Variants in DAB1 observed in about 807,000 individuals in gnomAD.
DAB1 encodes the protein disabled homolog 1.
DAB1 carries 15 observed loss-of-function variants against 64.6 expected under a neutral mutation model. That is an observed-to-expected ratio of 0.23 (90% CI 0.16 to 0.36). The LOEUF (loss-of-function observed/expected upper bound fraction) is 0.36, where lower values mean the gene tolerates loss of function less well. Ranked by LOEUF, DAB1 falls within the 10% of genes least tolerant of loss-of-function variation. The probability of loss-of-function intolerance (pLI) is 1.00; values close to 1 mark genes in which losing one functional copy is unlikely to be tolerated. For synonymous variants in DAB1, 235 were observed against 251.9 expected, an observed-to-expected ratio of 0.93 and a Z score of 0.64; for missense variants, 596 against 706.7, an observed-to-expected ratio of 0.84 and a Z score of 1.78.
intron 2 of DAB1, among the ~76,000 whole-genome samples, chr1:57,284,912 C>T (rs1305692343): frequency 6.6e-6 from 1 of 152,168 alleles, no homozygotes; most frequent in Non-Finnish European, 1.5e-5. Flanking sequence ...ACAGAAGGTT[C>T]ACACTCGGTT....
chr1:58,495,969 G>C (rs1211623895), intron 3 of DAB1, among the ~76,000 whole-genome samples: 1 of 152,104 alleles, frequency 6.6e-6, no homozygotes, highest in Admixed American at 6.6e-5. Flanking sequence ...AAATATCTAA[G>C]CTTGTCATTT....
rs370036470 is a variant in DAB1 at position 57,498,748 on chromosome 1, T to C, written n.625+150844A>G. Reference sequence around the variant, plus strand: ...GCAGTTAGGAGAGACAAAGGGAAAATGTTATAGCTGGTGGGAGATGTGAGG... The same window carrying C: ...GCAGTTAGGAGAGACAAAGGGAAAACGTTATAGCTGGTGGGAGATGTGAGG... On this transcript the variant is annotated intron_variant and non_coding_transcript_variant, in intron 7 of 20. Transcript: ENST00000485760. 1.5e-4 allele frequency among the ~76,000 whole-genome samples: 23 copies of C among 152,152 alleles called. No individual in the cohort carries two copies. The South Asian group carries it at 4.8e-3, about 32-fold the overall frequency.
chr1:58,387,722 CTTTTTT>C (rs35563837), intron 3 of DAB1, among the ~76,000 whole-genome samples: 1 of 65,524 alleles, frequency 1.5e-5, no homozygotes, highest in Non-Finnish European at 3.3e-5. Flanking sequence ...CTTTTCTTTT[CTTTTTT>C]TTTTTTTTTT....
chr1:58,061,728 T>C (rs1570297959), intron 5 of DAB1, among the ~76,000 whole-genome samples: 2 of 152,166 alleles, frequency 1.3e-5, no homozygotes, highest in East Asian at 3.9e-4. Context: ...TGTTCTCTTC[T>C]CAGTAGAGTG....
chr1:57,949,981 C>A (rs1645248054), intron 5 of DAB1, among the ~76,000 whole-genome samples: 1 of 152,154 alleles, frequency 6.6e-6, no homozygotes. Flanking sequence ...ATCATGTTGT[C>A]CCAAGGTTGT....
intron 6 of DAB1, among the ~76,000 whole-genome samples, chr1:57,686,024 C>T (rs1042342119): frequency 2.0e-5 from 3 of 151,874 alleles, no homozygotes; most frequent in Admixed American, 6.6e-5. Context: ...AACCAACCAA[C>T]CCCAAAGCTA....
chr1:57,200,312 A>G (rs10889032), intron 2 of DAB1, among the ~76,000 whole-genome samples: 32,836 of 152,162 alleles, frequency 0.22, 4,261 homozygotes, highest in Admixed American at 0.33. Context: ...TGTGCCAGGC[A>G]CTATTCTAGG....
intron 6 of DAB1, among the ~76,000 whole-genome samples, chr1:57,819,762 G>A (rs1304165964): frequency 1.3e-5 from 2 of 152,096 alleles, no homozygotes; most frequent in South Asian, 2.1e-4. Context: ...TGAAAAGTGG[G>A]AAAATATTTA....
intron 4 of DAB1, among the ~76,000 whole-genome samples, chr1:58,231,908 G>A (rs1659791326): frequency 6.6e-6 from 1 of 152,150 alleles, no homozygotes; most frequent in Non-Finnish European, 1.5e-5. Context: ...TTACATATGG[G>A]AAAATTCAGA....
At chr1:58,083,418 C>G (rs1650117033) in intron 5 of DAB1, among the ~76,000 whole-genome samples, 1 of 152,214 alleles carries the variant, frequency 6.6e-6, no homozygotes, top group Admixed American at 6.5e-5. Context: ...GAGCTGGTTT[C>G]ATCATCTATG....
chr1:58,419,561 C>T (rs706417), intron 3 of DAB1, among the ~76,000 whole-genome samples: 16,057 of 152,168 alleles, frequency 0.11, 1,155 homozygotes, highest in East Asian at 0.32. Flanking sequence ...TCTTCCCTTA[C>T]ACTGTCAGGC....
chr1:57,944,283 T>A (rs1645150797), intron 5 of DAB1, among the ~76,000 whole-genome samples: 2 of 152,148 alleles, frequency 1.3e-5, no homozygotes, highest in African/African-American at 4.8e-5. Flanking sequence ...TGTTCCACCC[T>A]CCTCATTCCC....
chr1:57,858,742 G>A (rs765591878), intron 1 of DAB1, among the ~76,000 whole-genome samples: 8 of 150,254 alleles, frequency 5.3e-5, no homozygotes, highest in Non-Finnish European at 1.2e-4. Context: ...TTCAAATTGG[G>A]CTCCCTGAGG....
intron 7 of DAB1, among the ~76,000 whole-genome samples, chr1:57,457,646 C>T (rs910617391): frequency 1.3e-5 from 2 of 152,140 alleles, no homozygotes; most frequent in African/African-American, 2.4e-5. Context: ...AAAATGTAAC[C>T]GTAAAATGAA....
intron 2 of DAB1, among the ~76,000 whole-genome samples, chr1:57,179,423 A>G (rs907004623): frequency 2.0e-5 from 3 of 152,220 alleles, no homozygotes; most frequent in African/African-American, 7.2e-5. Flanking sequence ...TCAGGGAGGG[A>G]CAACAATAGG....
chr1:57,071,274 T>C, intron 6 of DAB1: 1 of 649,766 alleles, frequency 1.5e-6, no homozygotes. Context: ...AGCAATTGTG[T>C]TTCTTGGGTC....
At chr1:57,553,076 G>GCA in intron 7 of DAB1, among the ~76,000 whole-genome samples, 1 of 151,954 alleles carries the variant, frequency 6.6e-6, no homozygotes, top group Admixed American at 6.6e-5. Context: ...AAGTAGGGCT[G>GCA]GAGAGGTGCA....
At chr1:58,106,426 C>T (rs895322770) in intron 5 of DAB1, among the ~76,000 whole-genome samples, 3 of 152,186 alleles carry the variant, frequency 2.0e-5, no homozygotes, top group Non-Finnish European at 4.4e-5. Context: ...TCAAGGGATC[C>T]TCCTACCTCA....
rs139089650 is a variant in DAB1 at position 58,329,592 on chromosome 1, A to G, written n.309+13760T>C. On this transcript the variant is annotated intron_variant and non_coding_transcript_variant, in intron 4 of 20. Transcript: ENST00000485760. The stretch of plus-strand genomic sequence containing the variant: ...GTACTTTGCCATTGTATTTTTTACA[A>G]ATTGAAAGTCTGTGACAACCCTGTG... Among the ~76,000 whole-genome samples the G allele has an allele frequency of 3.3e-5, 5 of 152,272 alleles. No individual in the cohort carries two copies. In the East Asian group the frequency reaches 9.6e-4, roughly 29 times the overall value.
Sources: allele counts gnomAD v4.1 joint callset (sites outside exome capture counted in the v4.1 genomes callset), GRCh38; gene constraint gnomAD v4.1.1; transcripts MANE v1.5; gene names NCBI Gene and HGNC (gene_info 2026-07-23, HGNC 2026-07-21).